Variants in IQGAP2 observed in about 807,000 individuals in gnomAD.
The protein encoded by IQGAP2 is IQ motif containing GTPase activating protein 2.
In IQGAP2, 173 loss-of-function variants were observed where a neutral mutation model predicts 201.3. The observed-to-expected ratio is 0.86, with a 90% CI of 0.76 to 0.98. The LOEUF (loss-of-function observed/expected upper bound fraction) is 0.98. Ranked by LOEUF, IQGAP2 falls within the 50% of genes least tolerant of loss-of-function variation. The pLI, the probability that IQGAP2 is intolerant of heterozygous loss-of-function variation, is 0.00. For synonymous variants in IQGAP2, 675 were observed against 673.9 expected (o/e 1.00, Z -0.03); for missense variants, 1,687 against 1,864.8 (o/e 0.90, Z 1.76).
chr5:76,692,420 G>A (rs570080170), intron 30 of IQGAP2, among the ~76,000 whole-genome samples: 2 of 152,318 alleles, frequency 1.3e-5, no homozygotes, highest in East Asian at 3.9e-4. Context: ...CCAACATGCT[G>A]GGATTACAGG....
chr5:76,502,728 A>G (rs913208495), intron 2 of IQGAP2, among the ~76,000 whole-genome samples: 7 of 152,178 alleles, frequency 4.6e-5, no homozygotes, highest in African/African-American at 1.7e-4. Flanking sequence ...AAAAGAAGAG[A>G]ATTTAAAAAC....
At chr5:76,515,704 G>A (rs1265373455) in intron 2 of IQGAP2, among the ~76,000 whole-genome samples, 7 of 152,076 alleles carry the variant, frequency 4.6e-5, no homozygotes, top group Non-Finnish European at 8.8e-5. Context: ...GATGTGAAAC[G>A]GCAAAACTCC....
chr5:76,636,809 A>G (rs1561536493), intron 15 of IQGAP2, among the ~76,000 whole-genome samples: 2 of 152,244 alleles, frequency 1.3e-5, no homozygotes, highest in African/African-American at 4.8e-5. Context: ...TTTAAGTTCC[A>G]GAGCTAGCCT....
intron 1 of IQGAP2, among the ~76,000 whole-genome samples, chr5:76,426,705 AG>A (rs1752020666): frequency 6.6e-6 from 1 of 152,126 alleles, no homozygotes; most frequent in Admixed American, 6.5e-5. Flanking sequence ...GCTGGACGAG[AG>A]GATCACTAAG....
chr5:76,508,559 C>G (rs987376978), intron 2 of IQGAP2, among the ~76,000 whole-genome samples: 1 of 151,308 alleles, frequency 6.6e-6, no homozygotes, highest in Non-Finnish European at 1.5e-5. Context: ...TAATAAAGAT[C>G]AGACCCGGTT....
At position 76,425,640 on chromosome 5, in the gene IQGAP2, GA is replaced by G. The variant is rs111731135; in HGVS notation, c.46+22058del. ...AGACTTGTAAGTATTATAAGCAAAA[GA>G]AAAAAAAACCCACATTAGTTCTCAT... On this transcript the variant is annotated intron_variant, in intron 1 of 35. Transcript: ENST00000274364. Among the ~76,000 whole-genome samples the G allele has an allele frequency of 4.6e-5, 7 of 150,770 alleles. No individual in the cohort carries two copies. In the East Asian group the frequency reaches 5.8e-4, roughly 13 times the overall value.
intron 5 of IQGAP2, among the ~76,000 whole-genome samples, chr5:76,586,294 A>G (rs1365149228): frequency 6.6e-6 from 1 of 152,184 alleles, no homozygotes; most frequent in Non-Finnish European, 1.5e-5. Context: ...CTCTGTGGAT[A>G]AGATATAAAT....
At chr5:76,537,283 G>A (rs569342734) in intron 2 of IQGAP2, among the ~76,000 whole-genome samples, 6 of 152,250 alleles carry the variant, frequency 3.9e-5, no homozygotes, top group Admixed American at 1.3e-4. Flanking sequence ...AGGCCTGTCC[G>A]GAATAGTATA....
intron 2 of IQGAP2, among the ~76,000 whole-genome samples, chr5:76,530,321 A>T (rs1759220678): frequency 6.6e-6 from 1 of 152,222 alleles, no homozygotes; most frequent in Non-Finnish European, 1.5e-5. Context: ...ATAGAATAGG[A>T]TGAGTTTCGG....
In IQGAP2 at chr5:76,536,620, G is replaced by A. The variant is rs1261087219; in HGVS notation, c.147-25776G>A. On this transcript the variant is annotated intron_variant, in intron 2 of 35. Transcript: ENST00000274364. The stretch of plus-strand genomic sequence containing the variant: ...ACTAAAAATACAAAATTAGCCAGGT[G>A]TGGTGGTGCACGCCTGTAATCCCAG... 2.6e-5 allele frequency among the ~76,000 whole-genome samples: 4 copies of A among 151,902 alleles called. No homozygotes were observed. In the East Asian group the frequency reaches 7.9e-4, roughly 30 times the overall value.
rs987110698 is a variant in IQGAP2 at position 76,431,772 on chromosome 5, G to A, written c.46+28181G>A. 5.4e-5 allele frequency among the ~76,000 whole-genome samples: 8 copies of A among 148,810 alleles called. No individual in the cohort carries two copies. In the East Asian group the frequency reaches 8.0e-4, roughly 15 times the overall value. ...TGGGAGGCGGAGATTGCAGTGAGCC[G>A]AGATCGCACCACTGCACTCCAGCCT... On this transcript the variant is annotated intron_variant, in intron 1 of 35. Coordinates refer to ENST00000274364, the MANE Select transcript of IQGAP2 (RefSeq NM_006633.5).
chr5:76,596,920 T>C (rs982925801), intron 9 of IQGAP2, among the ~76,000 whole-genome samples: 1 of 152,220 alleles, frequency 6.6e-6, no homozygotes, highest in African/African-American at 2.4e-5. Flanking sequence ...TGCTGTAGGC[T>C]TACCGCAGTG....
At chr5:76,556,181 A>G (rs1743932167) in intron 2 of IQGAP2, among the ~76,000 whole-genome samples, 1 of 152,170 alleles carries the variant, frequency 6.6e-6, no homozygotes, top group Non-Finnish European at 1.5e-5. Context: ...TTCAAGAGGC[A>G]GTGTCTGATT....
At chr5:76,702,373 C>G (rs1222212218) in intron 34 of IQGAP2, 109 bp from the exon 35 acceptor site, 2 of 619,840 alleles carry the variant, frequency 3.2e-6, no homozygotes, top group East Asian at 2.9e-5. Flanking sequence ...AGGATTTTCT[C>G]AACAAGCCAT....
intron 21 of IQGAP2, among the ~76,000 whole-genome samples, chr5:76,660,868 C>A (rs1333848933): frequency 6.6e-6 from 1 of 152,068 alleles, no homozygotes; most frequent in Non-Finnish European, 1.5e-5. Flanking sequence ...AAGCCCAAAG[C>A]AATATGCAGA....
Position 76,655,897 on chromosome 5 carries a change from A to G in IQGAP2, c.2320+894A>G, listed in dbSNP as rs887665514. 6.6e-5 allele frequency among the ~76,000 whole-genome samples: 10 copies of G among 152,312 alleles called. No homozygotes were observed. The South Asian group carries it at 1.2e-3, about 19-fold the overall frequency. The stretch of plus-strand genomic sequence containing the variant: ...ATTCTTTATATACTAAATTTTTAAC[A>G]TTCTAATTATCACGGGAACATGCAC... On this transcript the variant is annotated intron_variant, in intron 20 of 35. Coordinates refer to ENST00000274364, the MANE Select transcript of IQGAP2 (RefSeq NM_006633.5).
At chr5:76,550,346 ATT>A (rs34933231) in intron 2 of IQGAP2, among the ~76,000 whole-genome samples, 9 of 135,248 alleles carry the variant, frequency 6.7e-5, no homozygotes, top group African/African-American at 8.3e-5. Context: ...GGCTGGCAGA[ATT>A]TTTTTTTTTT....
intron 9 of IQGAP2, 68 bp from the exon 10 acceptor site, chr5:76,597,370 AG>A: frequency 1.3e-6 from 2 of 1,502,518 alleles, no homozygotes; most frequent in South Asian, 1.2e-5. Context: ...CTTGGGAAGA[AG>A]GGCTGGTTGG....
chr5:76,583,022 T>C (rs1025043854), intron 5 of IQGAP2, among the ~76,000 whole-genome samples: 2 of 152,182 alleles, frequency 1.3e-5, no homozygotes, highest in African/African-American at 2.4e-5. Flanking sequence ...CAAAAAGTGC[T>C]CTCTTAGACA....
Sources: allele counts gnomAD v4.1 joint callset (sites outside exome capture counted in the v4.1 genomes callset), GRCh38; gene constraint gnomAD v4.1.1; transcripts MANE v1.5; gene names NCBI Gene and HGNC (gene_info 2026-07-23, HGNC 2026-07-21).